Variants in LRP1B observed in about 807,000 individuals in gnomAD.
The protein encoded by LRP1B is low-density lipoprotein receptor-related protein 1B.
In LRP1B, 217 loss-of-function variants were observed where a neutral mutation model predicts 556.6. The observed-to-expected ratio is 0.39, with a 90% CI of 0.35 to 0.44. The LOEUF is 0.44. LRP1B is among the 20% of genes least tolerant of loss of function. The pLI, the probability that LRP1B is intolerant of heterozygous loss-of-function variation, is 1.00. For synonymous variants in LRP1B, 2,047 were observed against 1,865.8 expected (o/e 1.10, Z -2.50); for missense variants, 5,053 against 5,620.8 (o/e 0.90, Z 3.23).
intron 43 of LRP1B, among the ~76,000 whole-genome samples, chr2:140,586,171 A>C (rs1191234743): frequency 6.6e-6 from 1 of 152,180 alleles, no homozygotes; most frequent in African/African-American, 2.4e-5. Flanking sequence ...TACATAAAAC[A>C]AACATAAGGT....
At chr2:142,057,386 T>A (rs1203043855) in intron 1 of LRP1B, among the ~76,000 whole-genome samples, 1 of 152,112 alleles carries the variant, frequency 6.6e-6, no homozygotes, top group African/African-American at 2.4e-5. Context: ...TCTATGGCAA[T>A]GGAAATGCAA....
intron 9 of LRP1B, 51 bp downstream of exon 9, chr2:141,058,832 T>C: frequency 6.9e-7 from 1 of 1,452,622 alleles, no homozygotes; most frequent in Non-Finnish European, 9.3e-7. Context: ...AAGGACTATA[T>C]CCCCATTCAA....
At chr2:141,109,993 G>C (rs900048460) in intron 7 of LRP1B, among the ~76,000 whole-genome samples, 3 of 151,988 alleles carry the variant, frequency 2.0e-5, no homozygotes, top group Non-Finnish European at 4.4e-5. Context: ...ATATGAAAGG[G>C]AAAACTCCAT....
In LRP1B at chr2:141,772,061, C is replaced by A. The variant is rs188179498; in HGVS notation, c.205+38218G>T. ...TCAAACTCCTGACCTCGTGATCCAC[C>A]TGACTGGGACTCCCAAAGTGCTGGG... On this transcript the variant is annotated intron_variant, in intron 2 of 90. Coordinates refer to ENST00000389484, the MANE Select transcript of LRP1B (RefSeq NM_018557.3). Among the ~76,000 whole-genome samples the A allele has an allele frequency of 1.0e-3, 156 of 152,156 alleles. 1 individual carries two copies. The highest frequency in any genetic ancestry group is 3.7e-3 in the African/African-American group (152 of 41,504).
In LRP1B at chr2:142,098,974, C is replaced by G. The variant is rs559146472; in HGVS notation, c.82+31674G>C. Among the ~76,000 whole-genome samples the G allele has an allele frequency of 6.6e-5, 10 of 151,928 alleles. No homozygotes were observed. The South Asian group carries it at 2.1e-3, about 31-fold the overall frequency. On this transcript the variant is annotated intron_variant, in intron 1 of 90. Coordinates refer to ENST00000389484, the MANE Select transcript of LRP1B (RefSeq NM_018557.3). ...AACTCAATTTTCTCCTCTGCACATA[C>G]AGCATTGACTCTTGACAGTATCAAT...
intron 60 of LRP1B, among the ~76,000 whole-genome samples, chr2:140,461,729 G>T (rs1043240530): frequency 2.0e-5 from 3 of 151,932 alleles, no homozygotes; most frequent in Non-Finnish European, 4.4e-5. Context: ...AACTACTCAG[G>T]AGACTGAGGC....
At chr2:141,599,045 T>TCCCCCCCCCC (rs1559166868) in intron 2 of LRP1B, among the ~76,000 whole-genome samples, 5 of 28,964 alleles carry the variant, frequency 1.7e-4, no homozygotes, top group African/African-American at 1.9e-4. Flanking sequence ...TTTGTTCAAC[T>TCCCCCCCCCC]CCCCCCCGCC....
chr2:141,648,021 A>C (rs1689643708), intron 2 of LRP1B, among the ~76,000 whole-genome samples: 1 of 152,160 alleles, frequency 6.6e-6, no homozygotes, highest in Non-Finnish European at 1.5e-5. Context: ...ATTCTGGCAG[A>C]GTATCCTGTG....
chr2:141,603,551 G>A (rs1687822359), intron 2 of LRP1B, among the ~76,000 whole-genome samples: 1 of 151,998 alleles, frequency 6.6e-6, no homozygotes, highest in South Asian at 2.1e-4. Context: ...TCAGAATTTA[G>A]CACATTTATA....
chr2:140,296,010 CA>C (rs1334266754), intron 84 of LRP1B, among the ~76,000 whole-genome samples: 2 of 151,722 alleles, frequency 1.3e-5, no homozygotes, highest in Admixed American at 6.6e-5. Context: ...AAGGGGTGGT[CA>C]AAAAAATTCA....
At chr2:141,901,689 A>T (rs185724337) in intron 1 of LRP1B, among the ~76,000 whole-genome samples, 289 of 152,054 alleles carry the variant, frequency 1.9e-3, no homozygotes, top group African/African-American at 6.3e-3. Flanking sequence ...CAGGAAATAT[A>T]GTATGTGAGA....
chr2:141,401,593 C>T (rs536307925), intron 3 of LRP1B, among the ~76,000 whole-genome samples: 1 of 152,248 alleles, frequency 6.6e-6, no homozygotes, highest in South Asian at 2.1e-4. Context: ...AGATCATATT[C>T]CACATTTCAG....
intron 41 of LRP1B, among the ~76,000 whole-genome samples, chr2:140,645,533 CTTTTTTT>C (rs36082249): frequency 2.0e-4 from 16 of 81,230 alleles, no homozygotes; most frequent in South Asian, 9.4e-4. Flanking sequence ...TGCCAATATT[CTTTTTTT>C]TTTTTTTTTT....
At chr2:140,674,756 G>A (rs1473158818) in intron 41 of LRP1B, among the ~76,000 whole-genome samples, 1 of 152,174 alleles carries the variant, frequency 6.6e-6, no homozygotes, top group African/African-American at 2.4e-5. Flanking sequence ...GTTTGGCTCA[G>A]GATAAACCTC....
chr2:142,130,875 A>C lies in LRP1B; in HGVS notation c.-146T>G. On this transcript the variant is annotated 5_prime_UTR_variant, in exon 1 of 91. Coordinates refer to ENST00000389484, the MANE Select transcript of LRP1B (RefSeq NM_018557.3). ...TCACTGGAAATTCTTCAGCTCAATGAGTCCAGCCAGTCAGCCTTCTCCTGC... is the reference window on the plus strand; with the variant it reads ...TCACTGGAAATTCTTCAGCTCAATGCGTCCAGCCAGTCAGCCTTCTCCTGC... 1.4e-6 allele frequency: 1 copy of C among 704,882 alleles called. No individual in the cohort carries two copies. The highest frequency in any genetic ancestry group is 2.5e-6 in the Non-Finnish European group (1 of 392,320). The allele number at this position is 704,882 out of a possible 1,614,324, so 43.7% of individuals were successfully genotyped here.
chr2:141,678,405 CA>C (rs994390506), intron 2 of LRP1B, among the ~76,000 whole-genome samples: 11 of 151,462 alleles, frequency 7.3e-5, no homozygotes, highest in Admixed American at 3.9e-4. Context: ...AGAGTTGAAA[CA>C]AAAAAAATGT....
At chr2:140,459,640 G>A (rs902237055) in intron 60 of LRP1B, among the ~76,000 whole-genome samples, 24 of 152,222 alleles carry the variant, frequency 1.6e-4, no homozygotes, top group South Asian at 6.2e-4. Flanking sequence ...AGCGGGAGAG[G>A]CAATTTATAT....
At chr2:140,317,552 G>A (rs1684580030) in intron 82 of LRP1B, among the ~76,000 whole-genome samples, 2 of 152,024 alleles carry the variant, frequency 1.3e-5, no homozygotes, top group African/African-American at 4.8e-5. Flanking sequence ...AATGTAAGTG[G>A]GAATCTCCAG....
intron 2 of LRP1B, among the ~76,000 whole-genome samples, chr2:141,511,798 T>C (rs1216609535): frequency 6.6e-6 from 1 of 152,202 alleles, no homozygotes; most frequent in Non-Finnish European, 1.5e-5. Flanking sequence ...GCTTTAACTC[T>C]ATTTGTGTTT....
Sources: gnomAD v4.1 joint callset for allele counts (sites outside exome capture counted in the v4.1 genomes callset) on GRCh38, gnomAD v4.1.1 for gene constraint, MANE v1.5 for transcripts, NCBI Gene and HGNC (gene_info 2026-07-23, HGNC 2026-07-21) for gene names.